ATG10: variants seen among roughly 807,000 people sequenced by gnomAD.
ATG10 encodes autophagy related 10.
A neutral mutation model predicts 32.1 loss-of-function variants in ATG10; 30 were observed. The observed-to-expected ratio is 0.94, with a 90% CI of 0.70 to 1.27. The LOEUF (loss-of-function observed/expected upper bound fraction) is 1.27, where lower values mean the gene tolerates loss of function less well. Ranked by LOEUF, ATG10 falls within the 50% of genes most tolerant of loss-of-function variation. The pLI is 0.00. For missense variants in ATG10, 233 were observed against 262.3 expected (o/e 0.89, Z 0.77); for synonymous variants, 87 against 91.5 (o/e 0.95, Z 0.28).
chr5:81,979,402 C>A (rs183152885), intron 1 of ATG10, among the ~76,000 whole-genome samples: 2,024 of 152,166 alleles, frequency 0.013, 25 homozygotes, highest in Middle Eastern at 0.024. Flanking sequence ...GTGGCGGGCC[C>A]CTGTAGTCCT....
At chr5:82,037,944 C>T (rs934491011) in intron 2 of ATG10, among the ~76,000 whole-genome samples, 2 of 152,082 alleles carry the variant, frequency 1.3e-5, no homozygotes, top group African/African-American at 4.8e-5. Flanking sequence ...TGCTACATTT[C>T]TCTTATTTTT....
chr5:82,212,066 T>G (rs781505023), intron 5 of ATG10, among the ~76,000 whole-genome samples: 6 of 152,176 alleles, frequency 3.9e-5, no homozygotes, highest in Non-Finnish European at 5.9e-5. Context: ...TCTATTCCCC[T>G]CCTCTAGTAA....
At chr5:82,019,620 C>T (rs939693242) in intron 2 of ATG10, among the ~76,000 whole-genome samples, 1 of 152,152 alleles carries the variant, frequency 6.6e-6, no homozygotes, top group African/African-American at 2.4e-5. Context: ...GTGCAGTGTT[C>T]TTAATGAAAA....
chr5:82,140,629 GC>G (rs1286194292), intron 3 of ATG10, among the ~76,000 whole-genome samples: 2 of 54,590 alleles, frequency 3.7e-5, no homozygotes, highest in Non-Finnish European at 7.9e-5. Flanking sequence ...CCGGCCAGCC[GC>G]CCCGTCCGGG....
chr5:82,226,989 C>T (rs946604609), intron 5 of ATG10, among the ~76,000 whole-genome samples: 1 of 152,132 alleles, frequency 6.6e-6, no homozygotes, highest in African/African-American at 2.4e-5. Context: ...AAAATCTTCT[C>T]TAATTTGTAT....
chr5:82,051,541 C>A (rs1158922167), intron 2 of ATG10, among the ~76,000 whole-genome samples: 3 of 152,160 alleles, frequency 2.0e-5, no homozygotes, highest in African/African-American at 7.2e-5. Context: ...GAGCCAGAGG[C>A]TAGCAGTACT....
intron 1 of ATG10, chr5:81,972,588 C>T (rs370757051): frequency 6.6e-6 from 1 of 152,204 alleles, no homozygotes. Flanking sequence ...AAAGCACCCT[C>T]GAAGTGGGTA....
chr5:82,051,583 T>G (rs1361712527), intron 2 of ATG10, among the ~76,000 whole-genome samples: 10 of 152,214 alleles, frequency 6.6e-5, no homozygotes, highest in Admixed American at 6.5e-4. Flanking sequence ...CTGGTCACTC[T>G]TTATACAAAG....
At chr5:81,983,454 CG>C (rs1761132703) in intron 1 of ATG10, among the ~76,000 whole-genome samples, 1 of 114,318 alleles carries the variant, frequency 8.7e-6, no homozygotes, top group Non-Finnish European at 1.8e-5. Context: ...GCTGGCCGGG[CG>C]GGGGTCTGAC....
At chr5:82,112,177 A>G (rs1405133481) in intron 3 of ATG10, among the ~76,000 whole-genome samples, 1 of 151,890 alleles carries the variant, frequency 6.6e-6, no homozygotes, top group African/African-American at 2.4e-5. Flanking sequence ...CTGTTAGATC[A>G]TTTCTTCCTT....
At chr5:81,976,786 C>T (rs1156422927) in intron 1 of ATG10, among the ~76,000 whole-genome samples, 4 of 152,188 alleles carry the variant, frequency 2.6e-5, no homozygotes, top group Non-Finnish European at 5.9e-5. Flanking sequence ...ATATCCTGCT[C>T]ATGGTCATCG....
chr5:82,035,586 A>G (rs1762894464), intron 2 of ATG10, among the ~76,000 whole-genome samples: 1 of 151,954 alleles, frequency 6.6e-6, no homozygotes, highest in Admixed American at 6.6e-5. Flanking sequence ...AAAGTTACAT[A>G]TTTTTAGATT....
At chr5:82,138,875 C>A (rs1223349802) in intron 3 of ATG10, among the ~76,000 whole-genome samples, 1 of 102,680 alleles carries the variant, frequency 9.7e-6, no homozygotes, top group African/African-American at 3.9e-5. Flanking sequence ...CCCTCCCCCT[C>A]CCCCTCTCCC....
intron 3 of ATG10, among the ~76,000 whole-genome samples, chr5:82,103,238 T>G (rs1765337202): frequency 1.3e-5 from 2 of 152,202 alleles, no homozygotes. Context: ...TCTTTTTCTG[T>G]GTTCTTGGTC....
intron 5 of ATG10, among the ~76,000 whole-genome samples, chr5:82,231,434 C>G (rs1746365266): frequency 6.6e-6 from 1 of 152,176 alleles, no homozygotes; most frequent in Non-Finnish European, 1.5e-5. Flanking sequence ...TAATACCTTA[C>G]TTGCAAAACA....
At chr5:82,040,481 AAATATC>A (rs1471107182) in intron 2 of ATG10, among the ~76,000 whole-genome samples, 1 of 152,240 alleles carries the variant, frequency 6.6e-6, no homozygotes, top group Non-Finnish European at 1.5e-5. Context: ...TAAATGTTAA[AAATATC>A]AATATTTGAC....
chr5:82,245,061 G>A (rs926668744), intron 5 of ATG10, among the ~76,000 whole-genome samples: 2 of 152,164 alleles, frequency 1.3e-5, no homozygotes, highest in Non-Finnish European at 2.9e-5. Flanking sequence ...ACAGCAGATG[G>A]TAGCACTTTC....
chr5:82,070,275 A>G (rs756615131), intron 3 of ATG10, among the ~76,000 whole-genome samples: 2 of 152,218 alleles, frequency 1.3e-5, no homozygotes, highest in South Asian at 2.1e-4. Context: ...CTATGCTCCA[A>G]TTGCTCAACT....
chr5:82,154,866 C>T (rs1767746093), intron 3 of ATG10, among the ~76,000 whole-genome samples: 1 of 152,184 alleles, frequency 6.6e-6, no homozygotes, highest in Admixed American at 6.5e-5. Context: ...TCCATATAAT[C>T]CAGAGACAGT....
Sources: gnomAD v4.1 joint callset for allele counts (sites outside exome capture counted in the v4.1 genomes callset) on GRCh38, gnomAD v4.1.1 for gene constraint, MANE v1.5 for transcripts, NCBI Gene and HGNC (gene_info 2026-07-23, HGNC 2026-07-21) for gene names.